The following DLG2 variants were observed in gnomAD, a reference collection of about 807,000 sequenced individuals.
DLG2 encodes disks large homolog 2.
Under a neutral mutation model 132.5 loss-of-function variants are expected in DLG2, and 45 were observed. That is an observed-to-expected ratio of 0.34 (90% CI 0.27 to 0.44). DLG2 has a LOEUF of 0.44. Among genes scored for constraint, DLG2 ranks in the 20% least tolerant of loss-of-function variants. The probability of loss-of-function intolerance (pLI) is 1.00; values close to 1 mark genes in which losing one functional copy is unlikely to be tolerated. For missense variants in DLG2, 1,045 were observed against 1,196.9 expected, an observed-to-expected ratio of 0.87 and a Z score of 1.87; for synonymous variants, 424 against 419.6, an observed-to-expected ratio of 1.01 and a Z score of -0.13.
intron 19 of DLG2, among the ~76,000 whole-genome samples, chr11:83,585,944 G>A (rs879550668): frequency 9.2e-5 from 14 of 152,176 alleles, no homozygotes; most frequent in Non-Finnish European, 1.8e-4. Flanking sequence ...TAGAAGAAAT[G>A]AGAAAATGTC....
At chr11:83,585,934 T>C (rs555221124) in intron 19 of DLG2, among the ~76,000 whole-genome samples, 4 of 151,768 alleles carry the variant, frequency 2.6e-5, no homozygotes, top group Non-Finnish European at 4.4e-5. Context: ...AGAGAAGAGA[T>C]AGAAGAAATG....
intron 4 of DLG2, among the ~76,000 whole-genome samples, chr11:85,261,444 T>C (rs985321491): frequency 5.9e-5 from 9 of 151,938 alleles, no homozygotes; most frequent in Admixed American, 4.6e-4. Flanking sequence ...GGTGGAGGTC[T>C]CAACTTCCAA....
chr11:83,580,955 C>G, intron 19 of DLG2, among the ~76,000 whole-genome samples: 1 of 144,264 alleles, frequency 6.9e-6, no homozygotes, highest in Non-Finnish European at 1.5e-5. Context: ...CTCCATTCCT[C>G]CCTACATTCT....
At chr11:83,689,126 G>C (rs1439662706) in intron 18 of DLG2, among the ~76,000 whole-genome samples, 1 of 152,062 alleles carries the variant, frequency 6.6e-6, no homozygotes, top group Admixed American at 6.6e-5. Context: ...CTTTCATTAA[G>C]GTGCTATAGA....
chr11:84,504,876 C>A (rs1567814729), intron 7 of DLG2, among the ~76,000 whole-genome samples: 1 of 152,010 alleles, frequency 6.6e-6, no homozygotes. Context: ...CATCTATTTG[C>A]AAATAAGTTC....
chr11:84,130,274 A>AT lies in DLG2; in HGVS notation c.625-31228dup, dbSNP rs1279590885. ...ACGTTCTTAAAAAAATCATTGCAAC[A>AT]TTTTTATTCTACATAGAAACACAAG... is the stretch of plus-strand genomic sequence containing the variant. On this transcript the variant is annotated intron_variant, in intron 9 of 27. Transcript: ENST00000376104. Among the ~76,000 whole-genome samples, 6 of 152,074 alleles carry AT rather than the reference A, an allele frequency of 3.9e-5. No individual in the cohort carries two copies. The East Asian group carries it at 1.2e-3, about 29-fold the overall frequency.
At chr11:85,498,141 A>G (rs57065368) in intron 3 of DLG2, among the ~76,000 whole-genome samples, 5,231 of 152,242 alleles carry the variant, frequency 0.034, 284 homozygotes, top group African/African-American at 0.12. Context: ...TGGCAAATAA[A>G]ATAAAGAGTC....
chr11:84,175,354 G>C (rs1376287614), intron 8 of DLG2, among the ~76,000 whole-genome samples: 1 of 152,008 alleles, frequency 6.6e-6, no homozygotes, highest in African/African-American at 2.4e-5. Flanking sequence ...CTGAACTTAT[G>C]TTTGCCCCTA....
chr11:84,496,323 C>T (rs982922136), intron 7 of DLG2, among the ~76,000 whole-genome samples: 1 of 152,106 alleles, frequency 6.6e-6, no homozygotes, highest in Non-Finnish European at 1.5e-5. Context: ...TATCATATAG[C>T]TTGGGGTGAG....
intron 6 of DLG2, among the ~76,000 whole-genome samples, chr11:85,026,526 T>C: frequency 6.6e-6 from 1 of 152,290 alleles, no homozygotes; most frequent in South Asian, 2.1e-4. Flanking sequence ...CTATGAAATA[T>C]TTTAATATTT....
intron 14 of DLG2, among the ~76,000 whole-genome samples, chr11:83,957,146 A>G (rs2087084155): frequency 6.6e-6 from 1 of 152,246 alleles, no homozygotes; most frequent in South Asian, 2.1e-4. Flanking sequence ...GTTCTACCTC[A>G]GAGCCTGAGG....
At chr11:84,799,803 A>G (rs973474690) in intron 6 of DLG2, among the ~76,000 whole-genome samples, 2 of 152,112 alleles carry the variant, frequency 1.3e-5, no homozygotes, top group African/African-American at 4.8e-5. Context: ...TCTCTGTTCT[A>G]TTCCCACCCT....
intron 3 of DLG2, among the ~76,000 whole-genome samples, chr11:85,531,106 C>A (rs2075176173): frequency 1.3e-5 from 2 of 152,130 alleles, no homozygotes; most frequent in South Asian, 4.1e-4. Context: ...ATTCCCTTTC[C>A]TTACTGGTCA....
At chr11:83,481,162 T>C (rs2093069383) in intron 22 of DLG2, among the ~76,000 whole-genome samples, 1 of 151,988 alleles carries the variant, frequency 6.6e-6, no homozygotes, top group Non-Finnish European at 1.5e-5. Context: ...GGCTGAAGTA[T>C]GTTTTTTTTA....
intron 8 of DLG2, among the ~76,000 whole-genome samples, chr11:84,168,973 C>T (rs758136020): frequency 2.0e-5 from 3 of 152,068 alleles, no homozygotes; most frequent in Non-Finnish European, 4.4e-5. Context: ...TACACTTGAC[C>T]TTACATACAG....
At chr11:84,323,598 T>C (rs924357326) in intron 7 of DLG2, among the ~76,000 whole-genome samples, 3 of 152,138 alleles carry the variant, frequency 2.0e-5, no homozygotes, top group Admixed American at 6.5e-5. Context: ...CTATTTTTCA[T>C]TTTTTGGGAA....
chr11:83,471,014 A>G (rs1274993908), intron 24 of DLG2, among the ~76,000 whole-genome samples: 1 of 152,078 alleles, frequency 6.6e-6, no homozygotes, highest in African/African-American at 2.4e-5. Context: ...GGGAAGAGGC[A>G]GAGCAGTTAG....
At chr11:85,105,244 C>A (rs1025692510) in intron 6 of DLG2, among the ~76,000 whole-genome samples, 1 of 151,910 alleles carries the variant, frequency 6.6e-6, no homozygotes. Flanking sequence ...ATGTCCCCCT[C>A]CATAAATACT....
chr11:83,992,696 C>A (rs577415735), intron 11 of DLG2, among the ~76,000 whole-genome samples: 1 of 151,956 alleles, frequency 6.6e-6, no homozygotes, highest in Non-Finnish European at 1.5e-5. Flanking sequence ...CAAGAAATAT[C>A]CAAGTATCCA....
Sources: gnomAD v4.1 joint callset for allele counts (sites outside exome capture counted in the v4.1 genomes callset) on GRCh38, gnomAD v4.1.1 for gene constraint, MANE v1.5 for transcripts, NCBI Gene and HGNC (gene_info 2026-07-23, HGNC 2026-07-21) for gene names.